Variants in RNGTT observed in about 807,000 individuals in gnomAD.
RNGTT encodes mRNA-capping enzyme.
A neutral mutation model predicts 79.3 loss-of-function variants in RNGTT; 33 were observed. The observed-to-expected ratio is 0.42, with a 90% CI of 0.32 to 0.56. RNGTT has a LOEUF of 0.56. RNGTT is among the 20% of genes least tolerant of loss of function. The probability of loss-of-function intolerance (pLI) is 0.17; values close to 1 mark genes in which losing one functional copy is unlikely to be tolerated. For missense variants in RNGTT, 497 were observed against 739.1 expected (o/e 0.67, Z 3.80); for synonymous variants, 222 against 235.9 (o/e 0.94, Z 0.54).
At chr6:88,863,334 A>T (rs1231829127) in intron 8 of RNGTT, among the ~76,000 whole-genome samples, 2 of 152,148 alleles carry the variant, frequency 1.3e-5, no homozygotes, top group African/African-American at 2.4e-5. Context: ...TCTACCACAA[A>T]TTTTTTACTA....
chr6:88,819,057 C>G (rs913530399), intron 11 of RNGTT, among the ~76,000 whole-genome samples: 1 of 151,952 alleles, frequency 6.6e-6, no homozygotes, highest in Non-Finnish European at 1.5e-5. Flanking sequence ...CAATAAACAG[C>G]AAATTATTAG....
At chr6:88,720,057 C>T (rs1282897512) in intron 13 of RNGTT, among the ~76,000 whole-genome samples, 1 of 152,180 alleles carries the variant, frequency 6.6e-6, no homozygotes, top group Non-Finnish European at 1.5e-5. Context: ...CTTGGTTGAG[C>T]TCAACTCCTA....
At chr6:88,874,238 A>G (rs1782445468) in intron 8 of RNGTT, among the ~76,000 whole-genome samples, 1 of 152,150 alleles carries the variant, frequency 6.6e-6, no homozygotes, top group Non-Finnish European at 1.5e-5. Flanking sequence ...CTTTTAAGTG[A>G]TCTTCCATCA....
chr6:88,856,539 A>T (rs1381953538), intron 8 of RNGTT, among the ~76,000 whole-genome samples: 1 of 152,194 alleles, frequency 6.6e-6, no homozygotes, highest in African/African-American at 2.4e-5. Context: ...AAGACTAAGG[A>T]AGAAAAAGCT....
chr6:88,779,106 G>C (rs893530892), intron 12 of RNGTT, among the ~76,000 whole-genome samples: 2 of 152,094 alleles, frequency 1.3e-5, no homozygotes, highest in African/African-American at 4.8e-5. Context: ...AAAGTCACAG[G>C]CCTTTAAGTA....
At chr6:88,759,635 T>C (rs1778141056) in intron 13 of RNGTT, among the ~76,000 whole-genome samples, 1 of 152,204 alleles carries the variant, frequency 6.6e-6, no homozygotes, top group Admixed American at 6.5e-5. Context: ...CTCCATTTCA[T>C]ATTTGTATCT....
At chr6:88,940,181 G>T (rs956514997) in intron 2 of RNGTT, among the ~76,000 whole-genome samples, 1 of 151,294 alleles carries the variant, frequency 6.6e-6, no homozygotes, top group African/African-American at 2.4e-5. Context: ...AGGTTCAAGC[G>T]ATTCTTGTGC....
intron 14 of RNGTT, among the ~76,000 whole-genome samples, chr6:88,670,106 G>A (rs2127786060): frequency 6.6e-6 from 1 of 152,278 alleles, no homozygotes; most frequent in South Asian, 2.1e-4. Flanking sequence ...GGGGTCTGTG[G>A]AAAATTCAAC....
rs370420979 is a variant in RNGTT at position 88,949,148 on chromosome 6, T to G, written c.65-7968A>C. 6.6e-3 allele frequency among the ~76,000 whole-genome samples: 110 copies of G among 16,550 alleles called. 1 individual carries two copies. Among genetic ancestry groups the G allele is most frequent in the African/African-American group, 0.028 (98 of 3,546 alleles). 10.9% of individuals were successfully genotyped at this position (16,550 alleles called of 152,430 possible). A position where few individuals can be genotyped will look rare whatever the true frequency, so the allele number is the denominator to read the frequency against. ...AAAAAAATAAAAATAAAAAATAAAA[T>G]AAAATAAAATGAAAAAAAAAAAAAA... is the stretch of plus-strand genomic sequence containing the variant. On this transcript the variant is annotated intron_variant, in intron 1 of 15. Transcript: ENST00000369485.
intron 4 of RNGTT, among the ~76,000 whole-genome samples, chr6:88,915,151 G>T (rs2127947658): frequency 6.6e-6 from 1 of 152,280 alleles, no homozygotes; most frequent in Admixed American, 6.5e-5. Context: ...AAAAGGGAAT[G>T]CTTATACACT....
intron 14 of RNGTT, among the ~76,000 whole-genome samples, chr6:88,623,195 G>A (rs772791127): frequency 6.6e-6 from 1 of 151,854 alleles, no homozygotes; most frequent in Non-Finnish European, 1.5e-5. Context: ...GTGTCCAAAG[G>A]CCTGAGGTAA....
chr6:88,847,338 C>A (rs919801908), intron 10 of RNGTT, among the ~76,000 whole-genome samples: 3 of 151,428 alleles, frequency 2.0e-5, no homozygotes, highest in African/African-American at 7.3e-5. Flanking sequence ...AAAAGATGAT[C>A]GATGCTGAGA....
chr6:88,820,836 T>C (rs975293284), intron 11 of RNGTT, among the ~76,000 whole-genome samples: 2 of 152,108 alleles, frequency 1.3e-5, no homozygotes, highest in African/African-American at 4.8e-5. Context: ...AGACAGCACA[T>C]GTTCATAGAT....
chr6:88,830,139 G>T (rs1220851394), intron 11 of RNGTT, among the ~76,000 whole-genome samples: 2 of 152,084 alleles, frequency 1.3e-5, no homozygotes, highest in Non-Finnish European at 1.5e-5. Flanking sequence ...CACATAATTG[G>T]AAGTAAAACA....
At chr6:88,621,665 C>G (rs1009063860) in intron 14 of RNGTT, among the ~76,000 whole-genome samples, 3 of 151,998 alleles carry the variant, frequency 2.0e-5, no homozygotes, top group Non-Finnish European at 4.4e-5. Flanking sequence ...GCACCACAAT[C>G]TGTTAAATAA....
chr6:88,827,429 C>T (rs753291604), intron 11 of RNGTT, among the ~76,000 whole-genome samples: 4 of 152,158 alleles, frequency 2.6e-5, no homozygotes, highest in Non-Finnish European at 4.4e-5. Flanking sequence ...CCTACGCCAC[C>T]AGGGCCCTGG....
intron 1 of RNGTT, among the ~76,000 whole-genome samples, chr6:88,960,869 A>G (rs1235560218): frequency 6.6e-6 from 1 of 152,250 alleles, no homozygotes; most frequent in Non-Finnish European, 1.5e-5. Flanking sequence ...AACATTTACA[A>G]CATATAAGTT....
chr6:88,684,197 T>C (rs1392849716), intron 13 of RNGTT, among the ~76,000 whole-genome samples: 1 of 152,084 alleles, frequency 6.6e-6, no homozygotes, highest in East Asian at 1.9e-4. Flanking sequence ...ACAACACACC[T>C]ATGAGAATGG....
intron 13 of RNGTT, among the ~76,000 whole-genome samples, chr6:88,686,531 A>G (rs1775284461): frequency 3.3e-5 from 5 of 152,112 alleles, no homozygotes; most frequent in Admixed American, 3.3e-4. Context: ...ACTTCTTCTC[A>G]TGAAGCTTTA....
Sources: allele counts gnomAD v4.1 joint callset (sites outside exome capture counted in the v4.1 genomes callset), GRCh38; gene constraint gnomAD v4.1.1; transcripts MANE v1.5; gene names NCBI Gene and HGNC (gene_info 2026-07-23, HGNC 2026-07-21).